NUCB2: variants seen among roughly 807,000 people sequenced by gnomAD.
NUCB2 encodes the protein nucleobindin 2.
A neutral mutation model predicts 57.9 loss-of-function variants in NUCB2; 48 were observed. The observed-to-expected ratio is 0.83, with a 90% CI of 0.66 to 1.05. NUCB2 has a LOEUF of 1.05. Ranked by LOEUF, NUCB2 falls within the 50% of genes least tolerant of loss-of-function variation. The pLI, the probability that NUCB2 is intolerant of heterozygous loss-of-function variation, is 0.00. For missense variants in NUCB2, 442 were observed against 476.2 expected (o/e 0.93, Z 0.67); for synonymous variants, 139 against 152.1 (o/e 0.91, Z 0.64).
intron 5 of NUCB2, among the ~76,000 whole-genome samples, chr11:17,306,926 A>G (rs1947751756): frequency 1.3e-5 from 2 of 151,572 alleles, no homozygotes; most frequent in Non-Finnish European, 2.9e-5. Context: ...AAAAAAAAAA[A>G]GAAAAGAAAA....
At chr11:17,288,241 T>C (rs1486005430) in intron 2 of NUCB2, among the ~76,000 whole-genome samples, 1 of 152,172 alleles carries the variant, frequency 6.6e-6, no homozygotes, top group African/African-American at 2.4e-5. Context: ...TCAGCAAACA[T>C]AAGATAGAAT....
chr11:17,303,518 C>T (rs1947110571), intron 5 of NUCB2, among the ~76,000 whole-genome samples: 1 of 151,934 alleles, frequency 6.6e-6, no homozygotes, highest in African/African-American at 2.4e-5. Flanking sequence ...TATTAGAATC[C>T]TTATTCTTTT....
At position 17,331,323 on chromosome 11, in the gene NUCB2, T is replaced by C. The variant is rs1951380885; in HGVS notation, c.1256-89T>C. 3 of 697,386 alleles carry C rather than the reference T, an allele frequency of 4.3e-6. No individual in the cohort carries two copies. In the South Asian group the frequency reaches 9.4e-5, roughly 22 times the overall value. The allele number at this position is 697,386 out of a possible 1,614,324, so 43.2% of individuals were successfully genotyped here. ...TGATCTATGATTAGCTAAGCATATT[T>C]TTTAAAACAAGTATATTTGTATATG... On this transcript the variant is annotated intron_variant, in intron 13 of 13. Coordinates refer to ENST00000529010, the MANE Select transcript of NUCB2 (RefSeq NM_005013.4).
chr11:17,334,926 T>C (rs1242292967), downstream of NUCB2, among the ~76,000 whole-genome samples: 2 of 151,898 alleles, frequency 1.3e-5, no homozygotes, highest in Non-Finnish European at 2.9e-5. Flanking sequence ...CTCACAAGTT[T>C]ACATTGTTTC....
At chr11:17,321,187 G>T (rs2139217567) in intron 11 of NUCB2, among the ~76,000 whole-genome samples, 1 of 149,540 alleles carries the variant, frequency 6.7e-6, no homozygotes, top group Non-Finnish European at 1.5e-5. Flanking sequence ...TGAAATACTG[G>T]GTTTTATTCA....
chr11:17,329,271 G>A (rs147882355), intron 11 of NUCB2, among the ~76,000 whole-genome samples: 3 of 152,280 alleles, frequency 2.0e-5, no homozygotes, highest in East Asian at 1.9e-4. Context: ...TAGCACAAGC[G>A]TTCCCTTAGC....
chr11:17,318,025 T>A (rs1949506262), intron 11 of NUCB2, among the ~76,000 whole-genome samples: 1 of 144,296 alleles, frequency 6.9e-6, no homozygotes, highest in African/African-American at 2.6e-5. Context: ...AAAGACAGAG[T>A]CTCTCTCTGT....
chr11:17,345,708 A>G (rs1393320804), intron 2 of NUCB2, among the ~76,000 whole-genome samples: 1 of 152,194 alleles, frequency 6.6e-6, no homozygotes, highest in African/African-American at 2.4e-5. Flanking sequence ...CTCCGTCTCA[A>G]AAAAAAGAAA....
chr11:17,285,967 A>AC (rs767847627), intron 2 of NUCB2, among the ~76,000 whole-genome samples: 2 of 150,880 alleles, frequency 1.3e-5, no homozygotes, highest in East Asian at 3.9e-4. Context: ...ACACACACAC[A>AC]AAGCAAACTT....
At chr11:17,349,028 C>T (rs1305951749) in intron 2 of NUCB2, among the ~76,000 whole-genome samples, 2 of 151,780 alleles carry the variant, frequency 1.3e-5, no homozygotes, top group Non-Finnish European at 2.9e-5. Context: ...GATCCACCCG[C>T]CTCGGCCTCC....
At chr11:17,282,559 C>T (rs1942930658) in intron 1 of NUCB2, among the ~76,000 whole-genome samples, 1 of 152,000 alleles carries the variant, frequency 6.6e-6, no homozygotes, top group Non-Finnish European at 1.5e-5. Flanking sequence ...CCGTGCCCGG[C>T]CAACATCTTT....
Sources: allele counts gnomAD v4.1 joint callset (sites outside exome capture counted in the v4.1 genomes callset), GRCh38; gene constraint gnomAD v4.1.1; transcripts MANE v1.5; gene names NCBI Gene and HGNC (gene_info 2026-07-23, HGNC 2026-07-21).